TMEM177: variants seen among roughly 807,000 people sequenced by gnomAD.
TMEM177 encodes transmembrane protein 177.
TMEM177 carries 4 observed loss-of-function variants against 14.2 expected under a neutral mutation model. The observed-to-expected ratio is 0.28, with a 90% CI of 0.14 to 0.64. The LOEUF is 0.64. Ranked by LOEUF, TMEM177 falls within the 30% of genes least tolerant of loss-of-function variation. TMEM177 has a pLI of 0.82. For synonymous variants in TMEM177, 179 were observed against 174.5 expected (o/e 1.03, Z -0.20); for missense variants, 344 against 405.2 (o/e 0.85, Z 1.30).
the TMEM177 span, among the ~76,000 whole-genome samples, chr2:119,714,685 G>A: frequency 0.29 from 44,483 of 152,154 alleles, 6,667 homozygotes; most frequent in Middle Eastern, 0.41. Context: ...GAGGCAGGCA[G>A]AGTTGGCAGG....
At chr2:119,682,547 G>A (rs1274399827), downstream of TMEM177, among the ~76,000 whole-genome samples, 1 of 152,162 alleles carries the variant, frequency 6.6e-6, no homozygotes, top group African/African-American at 2.4e-5. Flanking sequence ...CGTGGATGCA[G>A]ATGGCACACT....
downstream of TMEM177, among the ~76,000 whole-genome samples, chr2:119,689,230 TC>T (rs1689060949): frequency 6.6e-6 from 1 of 152,210 alleles, no homozygotes; most frequent in African/African-American, 2.4e-5. Flanking sequence ...TACTCCTCAC[TC>T]AGTCAGGTGC....
At chr2:119,713,008 A>G in the TMEM177 span, among the ~76,000 whole-genome samples, 1 of 152,222 alleles carries the variant, frequency 6.6e-6, no homozygotes, top group Non-Finnish European at 1.5e-5. Context: ...ATTTAGGTAC[A>G]TACACACATA....
the TMEM177 span, among the ~76,000 whole-genome samples, chr2:119,697,746 C>T: frequency 6.6e-6 from 1 of 152,170 alleles, no homozygotes; most frequent in Non-Finnish European, 1.5e-5. Flanking sequence ...TTCTGTCTCC[C>T]TCCTCTTCAC....
chr2:119,712,216 T>C, the TMEM177 span, among the ~76,000 whole-genome samples: 2 of 151,840 alleles, frequency 1.3e-5, no homozygotes, highest in African/African-American at 4.8e-5. Flanking sequence ...CTCACTTTGA[T>C]AGGTGGATTG....
the TMEM177 span, among the ~76,000 whole-genome samples, chr2:119,694,554 G>T: frequency 6.6e-6 from 1 of 152,248 alleles, no homozygotes; most frequent in Admixed American, 6.5e-5. Context: ...CCCTGTGTGT[G>T]CAACAGTGCT....
At position 119,681,028 on chromosome 2, in the gene TMEM177, C is replaced by T. The variant is rs1322740502; in HGVS notation, c.175C>T (p.Pro59Ser). 6.2e-7 allele frequency: 1 copy of T among 1,614,258 alleles called. No homozygotes were observed. Among genetic ancestry groups the T allele is most frequent in the African/African-American group, 1.3e-5 (1 of 75,072 alleles). Residue 59 changes from proline to serine, a missense_variant, in exon 2 of 2, where the codon CCA becomes TCA. Physicochemically the swap from Pro to Ser is moderately conservative, Grantham distance 74. Transcript: ENST00000272521. ...TCAGGGCCAGCCAGCTCCGCTCCCT[C>T]CACAGCTGCAGAGCCTCTTCCAAGA... ...WPQGQPAPLP[P>S]QLQSLFQEVL... is the part of the protein sequence containing the mutation.
downstream of TMEM177, among the ~76,000 whole-genome samples, chr2:119,684,966 A>G (rs1005380676): frequency 1.9e-4 from 29 of 152,074 alleles, no homozygotes; most frequent in African/African-American, 6.5e-4. Flanking sequence ...GCTGCCTTGT[A>G]ACTGTCACCC....
chr2:119,704,765 C>A, the TMEM177 span, among the ~76,000 whole-genome samples: 1 of 152,184 alleles, frequency 6.6e-6, no homozygotes, highest in Admixed American at 6.5e-5. Flanking sequence ...GAGGAGCTGA[C>A]TTAATTTCTC....
chr2:119,718,032 G>A, the TMEM177 span, among the ~76,000 whole-genome samples: 1 of 152,132 alleles, frequency 6.6e-6, no homozygotes, highest in Non-Finnish European at 1.5e-5. Context: ...TCCCTAGGGG[G>A]TCTTCAGCAC....
chr2:119,685,207 A>C (rs1574271322), downstream of TMEM177, among the ~76,000 whole-genome samples: 9 of 29,996 alleles, frequency 3.0e-4, no homozygotes, highest in East Asian at 1.3e-3. Flanking sequence ...CCCCCTCCTC[A>C]GCCCGCCCCC....
At chr2:119,704,459 G>A in the TMEM177 span, among the ~76,000 whole-genome samples, 11 of 152,126 alleles carry the variant, frequency 7.2e-5, no homozygotes, top group African/African-American at 1.9e-4. Context: ...TTAGCTGGGC[G>A]TGGTAGCGCA....
chr2:119,704,333 C>A, the TMEM177 span, among the ~76,000 whole-genome samples: 1 of 152,180 alleles, frequency 6.6e-6, no homozygotes, highest in Non-Finnish European at 1.5e-5. Flanking sequence ...GGCATGTTGT[C>A]TCACGCCTGT....
At chr2:119,701,381 G>A in the TMEM177 span, among the ~76,000 whole-genome samples, 1 of 152,182 alleles carries the variant, frequency 6.6e-6, no homozygotes, top group African/African-American at 2.4e-5. Context: ...TGAAAAGCGG[G>A]TTCTGGGTCC....
chr2:119,684,883 C>G (rs922233036), downstream of TMEM177, among the ~76,000 whole-genome samples: 1 of 152,196 alleles, frequency 6.6e-6, no homozygotes, highest in Non-Finnish European at 1.5e-5. Context: ...TCCCTACACA[C>G]AGGTCAGAGG....
At chr2:119,714,026 C>T in the TMEM177 span, among the ~76,000 whole-genome samples, 1 of 152,164 alleles carries the variant, frequency 6.6e-6, no homozygotes, top group African/African-American at 2.4e-5. Flanking sequence ...AGAAGTGGCA[C>T]GAGACCAGGG....
downstream of TMEM177, among the ~76,000 whole-genome samples, chr2:119,689,216 C>T (rs74769485): frequency 6.1e-3 from 931 of 152,322 alleles, 7 homozygotes; most frequent in African/African-American, 0.021. Context: ...TCCACTAACA[C>T]GGTTACTCCT....
the TMEM177 span, among the ~76,000 whole-genome samples, chr2:119,702,742 CAGA>C: frequency 6.6e-6 from 1 of 152,328 alleles, no homozygotes; most frequent in East Asian, 1.9e-4. Flanking sequence ...AGTGTGATTG[CAGA>C]AGGCTTCCTG....
the TMEM177 span, among the ~76,000 whole-genome samples, chr2:119,694,950 G>A: frequency 6.6e-6 from 1 of 152,224 alleles, no homozygotes; most frequent in African/African-American, 2.4e-5. Context: ...TGGGCACTAA[G>A]CTAGAAGGAC....
Sources: allele counts gnomAD v4.1 joint callset (sites outside exome capture counted in the v4.1 genomes callset), GRCh38; gene constraint gnomAD v4.1.1; transcripts MANE v1.5; gene names NCBI Gene and HGNC (gene_info 2026-07-23, HGNC 2026-07-21).